The following TMEM131L variants were observed in gnomAD, a reference collection of about 807,000 sequenced individuals.
TMEM131L encodes the protein transmembrane 131 like, also known as transmembrane protein 131-like.
In TMEM131L, 54 loss-of-function variants were observed where a neutral mutation model predicts 192.2. The ratio of observed to expected loss-of-function variants is 0.28; its 90% CI spans 0.23 to 0.35. TMEM131L has a LOEUF of 0.35. Ranked by LOEUF, TMEM131L falls within the 10% of genes least tolerant of loss-of-function variation. The pLI is 1.00. For missense variants in TMEM131L, 1,888 were observed against 1,972.9 expected, an observed-to-expected ratio of 0.96 and a Z score of 0.82; for synonymous variants, 701 against 704.9, an observed-to-expected ratio of 0.99 and a Z score of 0.09.
intron 25 of TMEM131L, among the ~76,000 whole-genome samples, chr4:153,608,886 C>G (rs1012056905): frequency 6.6e-6 from 1 of 152,172 alleles, no homozygotes; most frequent in African/African-American, 2.4e-5. Context: ...GCTGTACATA[C>G]TTAATGTATG....
At chr4:153,595,358 AC>A (rs1731355694) in intron 19 of TMEM131L, among the ~76,000 whole-genome samples, 1 of 152,218 alleles carries the variant, frequency 6.6e-6, no homozygotes, top group Non-Finnish European at 1.5e-5. Context: ...TAAGTTTAAC[AC>A]CAAAAGTCAG....
At chr4:153,494,825 G>A (rs1452038918) in intron 3 of TMEM131L, among the ~76,000 whole-genome samples, 1 of 152,202 alleles carries the variant, frequency 6.6e-6, no homozygotes, top group Non-Finnish European at 1.5e-5. Flanking sequence ...GCACCAGTGG[G>A]CTTGGTTAGG....
chr4:153,622,851 G>A lies in TMEM131L; in HGVS notation c.3860-47G>A, dbSNP rs779905785. The A allele has an allele frequency of 1.4e-5, 22 of 1,581,476 alleles. No homozygotes were observed. The East Asian group carries it at 4.7e-4, about 34-fold the overall frequency. Reference sequence around the variant, plus strand: ...CTCTCTTTCTGTTAGAAATGCATGAGGTTGACAGTTGTTTCAGGGAAACAT... The same window carrying A: ...CTCTCTTTCTGTTAGAAATGCATGAAGTTGACAGTTGTTTCAGGGAAACAT... On this transcript the variant is annotated intron_variant, in intron 28 of 34. Transcript: ENST00000409959.
Position 153,619,098 on chromosome 4 carries a change from C to T in TMEM131L, c.3568-1658C>T, listed in dbSNP as rs187756703. On this transcript the variant is annotated intron_variant, in intron 26 of 34. Coordinates refer to ENST00000409959, the MANE Select transcript of TMEM131L (RefSeq NM_001131007.2). ...GTAGTCCTGAATGTACTCACCCTTTCGCTTGCACAGGATGACAGTTCCAAC... is the reference window on the plus strand; with the variant it reads ...GTAGTCCTGAATGTACTCACCCTTTTGCTTGCACAGGATGACAGTTCCAAC... Among the ~76,000 whole-genome samples, 561 of 152,288 alleles carry T rather than the reference C, an allele frequency of 3.7e-3. 3 individuals are homozygous for T. Among genetic ancestry groups the T allele is most frequent in the African/African-American group, 0.013 (526 of 41,546 alleles).
At chr4:153,579,981 C>A (rs1730221204) in intron 7 of TMEM131L, among the ~76,000 whole-genome samples, 1 of 152,150 alleles carries the variant, frequency 6.6e-6, no homozygotes, top group South Asian at 2.1e-4. Context: ...TCTTACCTTG[C>A]CAAGATTTGA....
chr4:153,620,685 C>A, intron 26 of TMEM131L, 71 bp from the exon 27 acceptor site: 1 of 1,013,144 alleles, frequency 9.9e-7, no homozygotes, highest in Non-Finnish European at 1.4e-6. Context: ...TGGAGTTGGT[C>A]TTCAAACATT....
intron 14 of TMEM131L, among the ~76,000 whole-genome samples, chr4:153,587,227 C>T (rs1355388072): frequency 2.0e-5 from 3 of 151,794 alleles, no homozygotes; most frequent in Non-Finnish European, 4.4e-5. Flanking sequence ...GAGGAGCAGG[C>T]AGGTTTCAGG....
chr4:153,487,438 A>G (rs1732418846), intron 3 of TMEM131L, among the ~76,000 whole-genome samples: 1 of 152,078 alleles, frequency 6.6e-6, no homozygotes, highest in African/African-American at 2.4e-5. Flanking sequence ...TTTGGTGTCC[A>G]CCTATCAGGG....
chr4:153,600,724 C>A (rs1326978083), intron 21 of TMEM131L, among the ~76,000 whole-genome samples: 1 of 152,178 alleles, frequency 6.6e-6, no homozygotes, highest in Non-Finnish European at 1.5e-5. Flanking sequence ...GCTGGTGAAA[C>A]CATTGGATAA....
At chr4:153,589,999 C>G (rs532997746) in intron 16 of TMEM131L, among the ~76,000 whole-genome samples, 17 of 152,134 alleles carry the variant, frequency 1.1e-4, no homozygotes, top group South Asian at 6.2e-4. Flanking sequence ...ACTATACTAC[C>G]ATTGCATACC....
At chr4:153,604,868 C>T (rs1216968717) in intron 25 of TMEM131L, among the ~76,000 whole-genome samples, 1 of 152,080 alleles carries the variant, frequency 6.6e-6, no homozygotes, top group Non-Finnish European at 1.5e-5. Flanking sequence ...CCACACCTGG[C>T]TAATTTTTGT....
At chr4:153,478,784 C>T (rs1293696103) in intron 3 of TMEM131L, among the ~76,000 whole-genome samples, 1 of 152,124 alleles carries the variant, frequency 6.6e-6, no homozygotes, top group Non-Finnish European at 1.5e-5. Context: ...TATCCTTAAT[C>T]TTATTTATGA....
chr4:153,611,571 T>C (rs1732615222), intron 25 of TMEM131L, among the ~76,000 whole-genome samples: 1 of 152,232 alleles, frequency 6.6e-6, no homozygotes, highest in South Asian at 2.1e-4. Flanking sequence ...TCCTTTTCCA[T>C]TTCCAGAAGT....
chr4:153,595,872 T>C (rs1158871529), intron 19 of TMEM131L, among the ~76,000 whole-genome samples: 1 of 152,226 alleles, frequency 6.6e-6, no homozygotes, highest in African/African-American at 2.4e-5. Context: ...CTTTGGGTTG[T>C]CCAGTGGTGG....
intron 3 of TMEM131L, among the ~76,000 whole-genome samples, chr4:153,487,376 C>T (rs1732415114): frequency 6.6e-6 from 1 of 151,890 alleles, no homozygotes; most frequent in Non-Finnish European, 1.5e-5. Context: ...CGAGTGTGTC[C>T]GAAGAAGTTC....
intron 3 of TMEM131L, among the ~76,000 whole-genome samples, chr4:153,541,079 C>G (rs1260564818): frequency 1.3e-5 from 2 of 152,108 alleles, no homozygotes; most frequent in Admixed American, 6.5e-5. Context: ...GTAGAGTGAC[C>G]TACCCTAGCG....
chr4:153,567,794 G>A (rs567410750), intron 7 of TMEM131L, among the ~76,000 whole-genome samples: 1 of 152,056 alleles, frequency 6.6e-6, no homozygotes, highest in South Asian at 2.1e-4. Flanking sequence ...CCTACTGCCT[G>A]GGCCTCCCAA....
intron 14 of TMEM131L, 36 bp from the exon 15 acceptor site, chr4:153,587,706 T>C: frequency 7.1e-7 from 1 of 1,417,000 alleles, no homozygotes; most frequent in South Asian, 1.1e-5. Flanking sequence ...TTTAGTGCTG[T>C]GTTTTAAGTT....
chr4:153,552,212 CAA>C (rs201581662), intron 4 of TMEM131L, among the ~76,000 whole-genome samples: 1 of 149,670 alleles, frequency 6.7e-6, no homozygotes, highest in East Asian at 1.9e-4. Context: ...GACTCTGTCT[CAA>C]AAAAAAGAGT....
Sources: allele counts gnomAD v4.1 joint callset (sites outside exome capture counted in the v4.1 genomes callset), GRCh38; gene constraint gnomAD v4.1.1; transcripts MANE v1.5; gene names NCBI Gene and HGNC (gene_info 2026-07-23, HGNC 2026-07-21).